GRM5: variants seen among roughly 807,000 people sequenced by gnomAD.
The protein encoded by GRM5 is glutamate metabotropic receptor 5.
Under a neutral mutation model 83.1 loss-of-function variants are expected in GRM5, and 19 were observed. That is an observed-to-expected ratio of 0.23 (90% CI 0.16 to 0.34). GRM5 has a LOEUF of 0.34. Ranked by LOEUF, GRM5 falls within the 10% of genes least tolerant of loss-of-function variation. GRM5 has a pLI of 1.00. For synonymous variants in GRM5, 675 were observed against 633.6 expected (o/e 1.07, Z -0.98); for missense variants, 1,160 against 1,588.3 (o/e 0.73, Z 4.58).
At chr11:88,543,345 G>A (rs1467347119) in intron 8 of GRM5, among the ~76,000 whole-genome samples, 3 of 152,326 alleles carry the variant, frequency 2.0e-5, no homozygotes, top group South Asian at 4.2e-4. Flanking sequence ...AGGGCAGGGT[G>A]CAGAATGTGT....
intron 3 of GRM5, among the ~76,000 whole-genome samples, chr11:88,672,849 A>G (rs1940226805): frequency 6.6e-6 from 1 of 151,974 alleles, no homozygotes; most frequent in African/African-American, 2.4e-5. Context: ...ATCAGCAAAT[A>G]CATATTAAGT....
chr11:88,850,192 AT>A, intron 2 of GRM5, 37 bp from the exon 3 acceptor site: 1 of 908,732 alleles, frequency 1.1e-6, no homozygotes. Context: ...GGATAGTGAA[AT>A]GAGAGTGTTG....
intron 2 of GRM5, among the ~76,000 whole-genome samples, chr11:88,888,762 T>C (rs202239931): frequency 6.6e-6 from 1 of 152,192 alleles, no homozygotes; most frequent in Non-Finnish European, 1.5e-5. Flanking sequence ...CCTTAAGTTG[T>C]AGACAATCTG....
At chr11:88,629,854 G>T (rs945210501) in intron 4 of GRM5, among the ~76,000 whole-genome samples, 5 of 152,160 alleles carry the variant, frequency 3.3e-5, no homozygotes, top group Non-Finnish European at 5.9e-5. Context: ...TCCTCTAGTG[G>T]CTTCATGTCT....
chr11:88,510,684 T>C (rs1386681873), intron 9 of GRM5, among the ~76,000 whole-genome samples: 1 of 152,122 alleles, frequency 6.6e-6, no homozygotes, highest in Non-Finnish European at 1.5e-5. Flanking sequence ...GCCCAGCTAA[T>C]TTTGTATTTT....
intron 2 of GRM5, among the ~76,000 whole-genome samples, chr11:88,978,141 T>C (rs902982345): frequency 6.6e-5 from 10 of 152,202 alleles, no homozygotes; most frequent in Non-Finnish European, 7.3e-5. Flanking sequence ...CCTAGGTATT[T>C]ACTGTACAAA....
In GRM5 at chr11:88,767,666, AC is replaced by A. The variant is rs1252021814; in HGVS notation, c.911+82239del. Among the ~76,000 whole-genome samples, 4 of 151,794 alleles carry A rather than the reference AC, an allele frequency of 2.6e-5. 1 individual carries two copies. In the South Asian group the frequency reaches 8.3e-4, roughly 31 times the overall value. On this transcript the variant is annotated intron_variant, in intron 3 of 9. Coordinates refer to ENST00000305447, the MANE Select transcript of GRM5 (RefSeq NM_001143831.3). ...TAGGAGGCGAACAACGGACATTGGG[AC>A]CTACTTGAGGGTGGATGGTAGGAGG...
intron 2 of GRM5, among the ~76,000 whole-genome samples, chr11:88,977,104 G>A (rs947748009): frequency 1.3e-5 from 2 of 151,256 alleles, no homozygotes; most frequent in African/African-American, 2.4e-5. Flanking sequence ...ATTAAAACAA[G>A]TCTTTGTCAA....
intron 2 of GRM5, among the ~76,000 whole-genome samples, chr11:88,858,928 T>C (rs1436269381): frequency 1.3e-5 from 2 of 151,860 alleles, no homozygotes; most frequent in Admixed American, 6.6e-5. Flanking sequence ...GTGTAGGAAG[T>C]GAAGGAAAGA....
In GRM5 at chr11:88,745,778, G is replaced by A. The variant is rs139875417; in HGVS notation, c.912-92375C>T. 1.5e-4 allele frequency among the ~76,000 whole-genome samples: 23 copies of A among 152,236 alleles called. No individual in the cohort carries two copies. The East Asian group carries it at 4.3e-3, about 28-fold the overall frequency. ...CTGTGAGAGGAGCTGCTTTTGGTAG[G>A]CTGTAGTGATAGAGCCTCTAGCAGC... On this transcript the variant is annotated intron_variant, in intron 3 of 9. Transcript: ENST00000305447.
At chr11:88,918,576 G>C (rs1490191280) in intron 2 of GRM5, among the ~76,000 whole-genome samples, 3 of 152,014 alleles carry the variant, frequency 2.0e-5, no homozygotes, top group Non-Finnish European at 4.4e-5. Flanking sequence ...CTGGAAATAA[G>C]TACACAGACA....
At chr11:88,984,095 T>G (rs1939612279) in intron 2 of GRM5, among the ~76,000 whole-genome samples, 1 of 152,112 alleles carries the variant, frequency 6.6e-6, no homozygotes, top group South Asian at 2.1e-4. Flanking sequence ...AGTTTATTAT[T>G]GTAAAAAGGT....
chr11:88,520,296 G>T (rs1038298790), intron 9 of GRM5, among the ~76,000 whole-genome samples: 1 of 152,094 alleles, frequency 6.6e-6, no homozygotes, highest in Non-Finnish European at 1.5e-5. Flanking sequence ...TAAAGTGAAG[G>T]TTATTGTAGA....
chr11:88,873,685 T>C (rs1944804837), intron 2 of GRM5, among the ~76,000 whole-genome samples: 1 of 151,508 alleles, frequency 6.6e-6, no homozygotes, highest in Admixed American at 6.6e-5. Context: ...AAACCCAACA[T>C]ACCAAATCCT....
chr11:88,874,366 G>A (rs1373657047), intron 2 of GRM5, among the ~76,000 whole-genome samples: 1 of 151,844 alleles, frequency 6.6e-6, no homozygotes. Flanking sequence ...AAAGGGTGAT[G>A]ATAAAACTGG....
At chr11:88,831,668 A>G (rs1256696482) in intron 3 of GRM5, among the ~76,000 whole-genome samples, 1 of 151,980 alleles carries the variant, frequency 6.6e-6, no homozygotes, top group African/African-American at 2.4e-5. Context: ...AGCCCACCCA[A>G]ATTGCCACTA....
chr11:88,690,430 A>C (rs1940753311), intron 3 of GRM5, among the ~76,000 whole-genome samples: 1 of 152,158 alleles, frequency 6.6e-6, no homozygotes, highest in Non-Finnish European at 1.5e-5. Context: ...CATTCATTAA[A>C]ATAGGATATT....
Position 88,760,385 on chromosome 11 carries a change from G to A in GRM5, c.911+89521C>T, listed in dbSNP as rs189975116. Among the ~76,000 whole-genome samples, 15 of 151,908 alleles carry A rather than the reference G, an allele frequency of 9.9e-5. No individual in the cohort carries two copies. In the South Asian group the frequency reaches 1.0e-3, roughly 11 times the overall value. On this transcript the variant is annotated intron_variant, in intron 3 of 9. Coordinates refer to ENST00000305447, the MANE Select transcript of GRM5 (RefSeq NM_001143831.3). ...GAAATGACAAAGGTGATTTTACCACGGACCCCATAGAAATACAAGTAACCA... is the reference window on the plus strand; with the variant it reads ...GAAATGACAAAGGTGATTTTACCACAGACCCCATAGAAATACAAGTAACCA...
rs1411517227 is a variant in GRM5 at position 88,821,120 on chromosome 11, A to G, written c.911+28786T>C. ...TGAATTCCCGAAAGGGCTCTACATC[A>G]GTGTTAAAATGGCCATAGATAAGAA... is the stretch of plus-strand genomic sequence containing the variant. On this transcript the variant is annotated intron_variant, in intron 3 of 9. Coordinates refer to ENST00000305447, the MANE Select transcript of GRM5 (RefSeq NM_001143831.3). 3.3e-5 allele frequency among the ~76,000 whole-genome samples: 5 copies of G among 152,228 alleles called. 1 individual carries two copies. In the South Asian group the frequency reaches 1.0e-3, roughly 32 times the overall value.
Sources: allele counts gnomAD v4.1 joint callset (sites outside exome capture counted in the v4.1 genomes callset), GRCh38; gene constraint gnomAD v4.1.1; transcripts MANE v1.5; gene names NCBI Gene and HGNC (gene_info 2026-07-23, HGNC 2026-07-21).